TRRAP: variants seen among roughly 807,000 people sequenced by gnomAD.
The protein encoded by TRRAP is transformation/transcription domain associated protein, also known as transformation/transcription domain-associated protein.
A neutral mutation model predicts 438.8 loss-of-function variants in TRRAP; 41 were observed. The ratio of observed to expected loss-of-function variants is 0.09; its 90% CI spans 0.07 to 0.12. TRRAP has a LOEUF of 0.12. TRRAP is among the 10% of genes least tolerant of loss of function. The probability of loss-of-function intolerance (pLI) is 1.00; values close to 1 mark genes in which losing one functional copy is unlikely to be tolerated. For synonymous variants in TRRAP, 1,994 were observed against 1,962.9 expected, an observed-to-expected ratio of 1.02 and a Z score of -0.42; for missense variants, 3,122 against 5,055.1, an observed-to-expected ratio of 0.62 and a Z score of 11.60.
intron 43 of TRRAP, 34 bp from the exon 44 acceptor site, chr7:98,957,947 T>C (rs1791701031): frequency 6.3e-7 from 1 of 1,595,720 alleles, no homozygotes; most frequent in Non-Finnish European, 8.6e-7. Context: ...AGTGTTGCGA[T>C]TCTCTTCCTG....
At position 98,880,259 on chromosome 7, in the gene TRRAP, G is replaced by GTTTTT. The variant is rs1554402821; in HGVS notation, c.-61-829_-61-828insTTTTT. ...CTGCTGCCTGCGTTTTGTTGTTGTT[G>GTTTTT]TTGTTTTTTTTTTTTTTTTTCCGAG... On this transcript the variant is annotated intron_variant, in intron 1 of 72. Coordinates refer to ENST00000456197, the MANE Select transcript of TRRAP (RefSeq NM_001375524.1). Among the ~76,000 whole-genome samples the GTTTTT allele has an allele frequency of 6.3e-4, 21 of 33,538 alleles. No homozygotes were observed. In the East Asian group the frequency reaches 8.6e-3, roughly 14 times the overall value. The allele number at this position is 33,538 out of a possible 152,430, so 22.0% of individuals were successfully genotyped here. A position where few individuals can be genotyped will look rare whatever the true frequency, so the allele number is the denominator to read the frequency against.
At chr7:98,900,147 C>G (rs782729624) in intron 10 of TRRAP, among the ~76,000 whole-genome samples, 3 of 151,996 alleles carry the variant, frequency 2.0e-5, no homozygotes, top group Non-Finnish European at 4.4e-5. Context: ...TCCAGATAGG[C>G]TGTGTTCATC....
At chr7:98,903,033 G>T (rs6465729) in intron 11 of TRRAP, among the ~76,000 whole-genome samples, 24 of 151,178 alleles carry the variant, frequency 1.6e-4, no homozygotes, top group East Asian at 3.9e-4. Flanking sequence ...AGTCTTAACG[G>T]TTTTTTTTTT....
At position 98,921,918 on chromosome 7, in the gene TRRAP, G is replaced by A. The variant is rs1230247284; in HGVS notation, c.2788G>A (p.Asp930Asn). The A allele has an allele frequency of 5.6e-6, 9 of 1,614,078 alleles. No individual in the cohort carries two copies. The East Asian group carries it at 6.7e-5, about 12-fold the overall frequency. Residue 930 changes from aspartate to asparagine, a missense_variant, in exon 21 of 73, where the codon GAC becomes AAC. Coordinates refer to ENST00000456197, the MANE Select transcript of TRRAP (RefSeq NM_001375524.1). ...CCCCAGCATCACTGTGGAGTTTTCC[G>A]ACTGCAAAGCTTCTCTCCAGCTCCC... ...QGPSITVEFSDCKASLQLPME... is the reference protein window; with the variant it reads ...QGPSITVEFSNCKASLQLPME...
chr7:98,936,365 G>A (rs1410736416), intron 28 of TRRAP, among the ~76,000 whole-genome samples: 3 of 152,168 alleles, frequency 2.0e-5, no homozygotes, highest in Non-Finnish European at 4.4e-5. Context: ...GCCAACAGGG[G>A]GACCAGGGGT....
At chr7:98,989,227 A>T (rs533429556) in intron 63 of TRRAP, among the ~76,000 whole-genome samples, 1 of 152,328 alleles carries the variant, frequency 6.6e-6, no homozygotes, top group African/African-American at 2.4e-5. Context: ...TGCCTGTGGG[A>T]GCTCACACGA....
chr7:98,924,885 TC>T (rs1554411258), intron 21 of TRRAP, among the ~76,000 whole-genome samples: 2 of 150,092 alleles, frequency 1.3e-5, no homozygotes, highest in African/African-American at 4.9e-5. Flanking sequence ...GCACCTGTAG[TC>T]CCAGCTACTT....
chr7:98,992,488 T>A (rs906380933), intron 65 of TRRAP, among the ~76,000 whole-genome samples: 26 of 152,216 alleles, frequency 1.7e-4, no homozygotes, highest in Non-Finnish European at 3.8e-4. Context: ...AATTTTCAGC[T>A]TCAGAAAACT....
At chr7:98,926,414 A>T (rs1554411575) in intron 22 of TRRAP, among the ~76,000 whole-genome samples, 1 of 152,236 alleles carries the variant, frequency 6.6e-6, no homozygotes, top group African/African-American at 2.4e-5. Context: ...CAAATGAATG[A>T]TCACTTGGAA....
At chr7:98,986,669 A>G (rs1309146253) in intron 62 of TRRAP, among the ~76,000 whole-genome samples, 1 of 152,200 alleles carries the variant, frequency 6.6e-6, no homozygotes, top group East Asian at 1.9e-4. Flanking sequence ...CACTTTTTTG[A>G]TAGTGTCCTT....
intron 52 of TRRAP, among the ~76,000 whole-genome samples, 183 bp downstream of exon 52, chr7:98,970,474 G>A (rs1270142539): frequency 1.3e-5 from 2 of 152,150 alleles, no homozygotes; most frequent in Non-Finnish European, 2.9e-5. Context: ...CGCGCCCCAC[G>A]GGCAGAATCC....
intron 20 of TRRAP, among the ~76,000 whole-genome samples, chr7:98,918,225 TTC>T (rs1361785585): frequency 1.6e-5 from 2 of 122,546 alleles, no homozygotes; most frequent in African/African-American, 6.0e-5. Context: ...GAGGGTTATA[TTC>T]TTTTTTTTTT....
chr7:98,927,128 G>C, intron 22 of TRRAP, 39 bp from the exon 23 acceptor site: 1 of 1,609,086 alleles, frequency 6.2e-7, no homozygotes, highest in Non-Finnish European at 8.5e-7. Flanking sequence ...CAGCTCAGGA[G>C]TTGGGTGTCG....
Position 98,892,490 on chromosome 7 carries a change from A to G in TRRAP, c.328A>G (p.Thr110Ala). 1 of 1,612,794 alleles carries G rather than the reference A, an allele frequency of 6.2e-7. No homozygotes were observed. The highest frequency in any genetic ancestry group is 1.3e-5 in the African/African-American group (1 of 75,010). ...AACCAACGAACATCTTCGTCCTCAC[A>G]CAAAAAATGTTTTGTCTGTGATGTT... is the stretch of plus-strand genomic sequence containing the variant. ...IPTNEHLRPH[T>A]KNVLSVMFRF... The change falls in exon 5 of 73, where the codon ACA becomes GCA. Residue 110 changes from threonine (T) to alanine (A), a missense_variant. Around this residue, in one of 24 missense-constraint regions of TRRAP, gnomAD observed 343 missense variants for 564.0 expected, o/e 0.61. Transcript: ENST00000456197.
intron 47 of TRRAP, among the ~76,000 whole-genome samples, chr7:98,963,240 G>A (rs1387831820): frequency 6.6e-6 from 1 of 152,212 alleles, no homozygotes; most frequent in Non-Finnish European, 1.5e-5. Context: ...CTTGCCAGGA[G>A]CTAGGAGAAT....
intron 48 of TRRAP, 63 bp downstream of exon 48, chr7:98,964,838 G>T (rs1792079707): frequency 1.0e-5 from 16 of 1,531,122 alleles, no homozygotes; most frequent in South Asian, 2.6e-5. Flanking sequence ...AGACTCTGTT[G>T]TGCAGGCTGG....
intron 67 of TRRAP, among the ~76,000 whole-genome samples, chr7:98,998,220 TCTC>T (rs1194067921): frequency 6.6e-6 from 1 of 152,200 alleles, no homozygotes; most frequent in Non-Finnish European, 1.5e-5. Context: ...TGACCCCTCT[TCTC>T]CTTACCTAAA....
chr7:98,911,106 C>T lies in TRRAP; in HGVS notation c.1842C>T (p.Tyr614=). 2 of 1,614,092 alleles carry T rather than the reference C, an allele frequency of 1.2e-6. No homozygotes were observed. The highest frequency in any genetic ancestry group is 1.7e-6 in the Non-Finnish European group (2 of 1,179,988). Residue 614 remains tyrosine, a synonymous_variant, in exon 17 of 73, where the codon TAC becomes TAT. Coordinates refer to ENST00000456197, the MANE Select transcript of TRRAP (RefSeq NM_001375524.1). ...QVQIAGNGQT[Y]IRVANCQTVR... is the part of the protein sequence containing the mutation. ...AGATAGCAGGAAATGGACAGACATA[C>T]ATCCGTGTGGCCAACTGCCAGACTG...
At chr7:98,987,393 C>G (rs1483629370) in intron 62 of TRRAP, among the ~76,000 whole-genome samples, 2 of 152,168 alleles carry the variant, frequency 1.3e-5, no homozygotes, top group African/African-American at 4.8e-5. Flanking sequence ...TAGTTTAATT[C>G]AACAATGTTT....
Sources: gnomAD v4.1 joint callset for allele counts (sites outside exome capture counted in the v4.1 genomes callset) on GRCh38, gnomAD v4.1.1 for gene constraint, gnomAD v4.1.1 regional missense constraint, MANE v1.5 for transcripts, NCBI Gene and HGNC (gene_info 2026-07-23, HGNC 2026-07-21) for gene names.